The following KAZN variants were observed in gnomAD, a reference collection of about 807,000 sequenced individuals.
KAZN encodes kazrin, periplakin interacting protein.
A neutral mutation model predicts 87.4 loss-of-function variants in KAZN; 40 were observed. The ratio of observed to expected loss-of-function variants is 0.46; its 90% CI spans 0.36 to 0.60. The LOEUF (loss-of-function observed/expected upper bound fraction) is 0.60. KAZN is among the 20% of genes least tolerant of loss of function. KAZN has a pLI of 0.00. For synonymous variants in KAZN, 466 were observed against 458.3 expected (o/e 1.02, Z -0.22); for missense variants, 898 against 1,073.9 (o/e 0.84, Z 2.29).
intron 2 of KAZN, among the ~76,000 whole-genome samples, chr1:14,331,632 CTTTTA>C (rs1039289884): frequency 1.3e-5 from 2 of 152,130 alleles, no homozygotes; most frequent in African/African-American, 4.8e-5. Flanking sequence ...AAAGGGGCCT[CTTTTA>C]TTTAGTTAAT....
At chr1:14,337,075 C>T (rs529169226) in intron 2 of KAZN, among the ~76,000 whole-genome samples, 1 of 152,346 alleles carries the variant, frequency 6.6e-6, no homozygotes, top group Non-Finnish European at 1.5e-5. Context: ...TAACAAACAT[C>T]CACTGCAATT....
At chr1:14,934,988 A>C (rs941242848) in intron 1 of KAZN, among the ~76,000 whole-genome samples, 2 of 152,214 alleles carry the variant, frequency 1.3e-5, no homozygotes, top group African/African-American at 4.8e-5. Context: ...CCTCTGTGGC[A>C]TTCCCGTAAA....
At chr1:14,256,940 CA>C (rs1371740820) in intron 2 of KAZN, among the ~76,000 whole-genome samples, 1 of 152,114 alleles carries the variant, frequency 6.6e-6, no homozygotes, top group Non-Finnish European at 1.5e-5. Flanking sequence ...ACTCCTGCCC[CA>C]AATGGCACAC....
chr1:14,999,900 C>T (rs1349852423), intron 2 of KAZN, among the ~76,000 whole-genome samples: 1 of 152,126 alleles, frequency 6.6e-6, no homozygotes, highest in African/African-American at 2.4e-5. Context: ...GTCTTGACCC[C>T]AGGGCAGGGG....
intron 1 of KAZN, among the ~76,000 whole-genome samples, chr1:14,906,709 A>G (rs574943632): frequency 4.7e-5 from 7 of 150,522 alleles, no homozygotes; most frequent in African/African-American, 1.7e-4. Context: ...CACCTTATCT[A>G]TGGTCCCATA....
chr1:14,091,056 G>C (rs1311168918), intron 1 of KAZN, among the ~76,000 whole-genome samples: 3 of 143,878 alleles, frequency 2.1e-5, no homozygotes, highest in African/African-American at 7.7e-5. Context: ...AGGTTGCAGT[G>C]AGCTGAGATC....
At position 14,272,965 on chromosome 1, in the gene KAZN, A is replaced by G. The variant is rs72865791; in HGVS notation, c.249+92373A>G. Among the ~76,000 whole-genome samples, 353 of 152,312 alleles carry G rather than the reference A, an allele frequency of 2.3e-3. 4 individuals carry two copies. Among genetic ancestry groups the G allele is most frequent in the African/African-American group, 8.2e-3 (340 of 41,568 alleles). ...AAGAAGTTAGAGCTGTGAGAGGAAT[A>G]AGAGATCACTAATAGTTCTGTTTCA... On this transcript the variant is annotated intron_variant, in intron 2 of 16. Transcript: ENST00000636203.
chr1:14,016,378 T>C (rs1428722867), intron 1 of KAZN, among the ~76,000 whole-genome samples: 1 of 152,178 alleles, frequency 6.6e-6, no homozygotes, highest in Non-Finnish European at 1.5e-5. Context: ...TTCATAAACA[T>C]GACCCTATGT....
intron 1 of KAZN, among the ~76,000 whole-genome samples, chr1:14,841,474 T>C (rs552854642): frequency 4.1e-5 from 6 of 145,552 alleles, no homozygotes; most frequent in Admixed American, 2.1e-4. Context: ...GTGTGCCAAG[T>C]AGGGAGAGGA....
upstream of KAZN, among the ~76,000 whole-genome samples, chr1:14,598,308 G>A (rs1377130623): frequency 6.6e-6 from 1 of 152,154 alleles, no homozygotes; most frequent in African/African-American, 2.4e-5. This position sits in a 1 kb window ranked among gnomAD's most constrained non-coding sequence, Gnocchi z 4.2. Context: ...TGGCGCAAGC[G>A]TCTCCCTTCC....
At chr1:14,380,473 A>C (rs775415712) in intron 2 of KAZN, among the ~76,000 whole-genome samples, 6 of 152,348 alleles carry the variant, frequency 3.9e-5, no homozygotes, top group Non-Finnish European at 5.9e-5. Flanking sequence ...AGATAACACA[A>C]AGAAGAAAAT....
intron 1 of KAZN, among the ~76,000 whole-genome samples, chr1:14,126,354 C>CCCCCCCCCCCCA (rs1644867014): frequency 2.5e-5 from 1 of 40,092 alleles, no homozygotes; most frequent in South Asian, 7.9e-4. Flanking sequence ...GCTCTCCCCT[C>CCCCCCCCCCCCA]CCCCCCCCCG....
intron 2 of KAZN, among the ~76,000 whole-genome samples, chr1:14,455,115 T>C (rs867380032): frequency 2.0e-5 from 3 of 152,256 alleles, no homozygotes; most frequent in Non-Finnish European, 4.4e-5. Context: ...ACATCTTTTA[T>C]GCTCTAGTCT....
At chr1:14,802,269 T>A (rs1033249401) in intron 1 of KAZN, among the ~76,000 whole-genome samples, 2 of 151,838 alleles carry the variant, frequency 1.3e-5, no homozygotes, top group African/African-American at 4.8e-5. Context: ...CCAGGTGTGG[T>A]GGTTTGTGCC....
chr1:14,201,014 G>A (rs941943120), intron 2 of KAZN, among the ~76,000 whole-genome samples: 4 of 152,142 alleles, frequency 2.6e-5, no homozygotes, highest in South Asian at 2.1e-4. Flanking sequence ...TTTGATTGGC[G>A]CATGGCCTCT....
intron 2 of KAZN, among the ~76,000 whole-genome samples, chr1:14,457,338 T>C (rs1667619497): frequency 6.6e-6 from 1 of 152,208 alleles, no homozygotes; most frequent in Admixed American, 6.5e-5. Flanking sequence ...TACCTGTTCG[T>C]TCCTTTCCCA....
At chr1:14,593,323 G>A (rs1460865958) in intron 2 of KAZN, among the ~76,000 whole-genome samples, 1 of 152,178 alleles carries the variant, frequency 6.6e-6, no homozygotes. Context: ...CAAACTCTTT[G>A]GAGAAGCATC....
At chr1:14,455,668 T>A (rs1667530189) in intron 2 of KAZN, among the ~76,000 whole-genome samples, 1 of 152,070 alleles carries the variant, frequency 6.6e-6, no homozygotes, top group African/African-American at 2.4e-5. Flanking sequence ...TGACAGCCTC[T>A]GCCTCCAACC....
intron 1 of KAZN, among the ~76,000 whole-genome samples, chr1:14,661,670 C>G (rs997341743): frequency 7.0e-3 from 38 of 5,448 alleles, no homozygotes; most frequent in Non-Finnish European, 0.015. Flanking sequence ...GACGGGGGGG[C>G]GGGAGGGAGG....
Sources: gnomAD v4.1 joint callset for allele counts (sites outside exome capture counted in the v4.1 genomes callset) on GRCh38, gnomAD v4.1.1 for gene constraint, Gnocchi (gnomAD v3.1) non-coding constraint, MANE v1.5 for transcripts, NCBI Gene and HGNC (gene_info 2026-07-23, HGNC 2026-07-21) for gene names.